Variants in ABLIM2 observed in about 807,000 individuals in gnomAD.
ABLIM2 encodes the protein actin-binding LIM protein 2.
Under a neutral mutation model 97.7 loss-of-function variants are expected in ABLIM2, and 53 were observed. That is an observed-to-expected ratio of 0.54 (90% CI 0.44 to 0.68). The LOEUF is 0.68. Among genes scored for constraint, ABLIM2 ranks in the 30% least tolerant of loss-of-function variants. ABLIM2 has a pLI of 0.00. For missense variants in ABLIM2, 835 were observed against 867.2 expected (o/e 0.96, Z 0.47); for synonymous variants, 361 against 345.8 (o/e 1.04, Z -0.49).
chr4:8,148,058 G>T lies in ABLIM2; in HGVS notation c.10+10622C>A, dbSNP rs1392182740. On this transcript the variant is annotated intron_variant, in intron 1 of 20. Coordinates refer to ENST00000447017, the MANE Select transcript of ABLIM2 (RefSeq NM_001130083.2). The surrounding 1 kb of genome is among the most constrained non-coding windows in gnomAD (Gnocchi z 6.7). ...GGTTCCCTGAGGCCCAGGTGGGCAG[G>T]CAACAAGGGATAGTGGCCCGACCTT... Among the ~76,000 whole-genome samples the T allele has an allele frequency of 6.6e-6, 1 of 152,232 alleles. No homozygotes were observed. Among genetic ancestry groups the T allele is most frequent in the African/African-American group, 2.4e-5 (1 of 41,462 alleles).
chr4:8,088,372 A>G (rs781352803), intron 3 of ABLIM2, 88 bp from the exon 4 acceptor site: 49 of 983,232 alleles, frequency 5.0e-5, no homozygotes, highest in Non-Finnish European at 7.3e-5. Flanking sequence ...ACCAGGGCCA[A>G]TGTCTCCCCA....
intron 5 of ABLIM2, among the ~76,000 whole-genome samples, chr4:8,079,069 A>G (rs1387645195): frequency 6.6e-6 from 1 of 152,256 alleles, no homozygotes; most frequent in Non-Finnish European, 1.5e-5. Context: ...ATGTGGGGTC[A>G]TGAGCCCCGG....
At chr4:8,109,214 G>C (rs1035576491) in intron 1 of ABLIM2, among the ~76,000 whole-genome samples, 2 of 152,240 alleles carry the variant, frequency 1.3e-5, no homozygotes, top group Non-Finnish European at 2.9e-5. Flanking sequence ...CTGAGGCACA[G>C]AGCCAGGGGT....
At position 8,072,466 on chromosome 4, in the gene ABLIM2, G is replaced by A. The variant is rs893501614; in HGVS notation, c.675+5162C>T. The stretch of plus-strand genomic sequence containing the variant: ...GCTGCTGCCCATGGGTGTCAGAAAC[G>A]CGGGGCAGGTGAGGCTCCTGCACCA... On this transcript the variant is annotated intron_variant, in intron 6 of 20. Coordinates refer to ENST00000447017, the MANE Select transcript of ABLIM2 (RefSeq NM_001130083.2). This position sits in a 1 kb window ranked among gnomAD's most constrained non-coding sequence, Gnocchi z 5.8. Among the ~76,000 whole-genome samples the A allele has an allele frequency of 3.9e-5, 6 of 152,240 alleles. No homozygotes were observed. Among genetic ancestry groups the A allele is most frequent in the Admixed American group, 1.3e-4 (2 of 15,284 alleles).
At chr4:7,993,833 G>A (rs994858678) in intron 16 of ABLIM2, 2 of 456,116 alleles carry the variant, frequency 4.4e-6, no homozygotes, top group African/African-American at 4.0e-5. Context: ...CTGTCAGGAG[G>A]GGGCAGCCTT....
chr4:8,118,041 C>T (rs1013811239), intron 1 of ABLIM2, among the ~76,000 whole-genome samples: 2 of 152,226 alleles, frequency 1.3e-5, no homozygotes, highest in Non-Finnish European at 2.9e-5. Context: ...TGATCCAGGC[C>T]AGCCCTGCTA....
chr4:8,092,022 G>C (rs1829114689), intron 3 of ABLIM2, among the ~76,000 whole-genome samples: 1 of 142,960 alleles, frequency 7.0e-6, no homozygotes, highest in African/African-American at 2.6e-5. Flanking sequence ...TTTTGAGACA[G>C]AGTCTTGCTC....
intron 1 of ABLIM2, 151 bp downstream of exon 1, chr4:8,158,529 T>A: frequency 1.0e-6 from 1 of 954,060 alleles, no homozygotes; most frequent in Non-Finnish European, 1.5e-6. Flanking sequence ...CTCTGGCCCC[T>A]CGGGGCTGCA....
In ABLIM2 at chr4:8,019,561, A is replaced by G; in HGVS notation, c.1423+57T>C. 1 of 1,511,680 alleles carries G rather than the reference A, an allele frequency of 6.6e-7. No individual in the cohort carries two copies. The allele number at this position is 1,511,680 out of a possible 1,614,324, so 93.6% of individuals were successfully genotyped here. On this transcript the variant is annotated intron_variant, in intron 14 of 20. Coordinates refer to ENST00000447017, the MANE Select transcript of ABLIM2 (RefSeq NM_001130083.2). The surrounding 1 kb of genome is among the most constrained non-coding windows in gnomAD (Gnocchi z 4.3). ...AACAAAAGGATGCATTCAGAAGCAG[A>G]TGGGTATTGACAGGCATGCGGGGCA...
chr4:7,983,773 G>A (rs1487006263), intron 18 of ABLIM2, among the ~76,000 whole-genome samples: 1 of 152,236 alleles, frequency 6.6e-6, no homozygotes, highest in Non-Finnish European at 1.5e-5. Context: ...AGGAGGCATG[G>A]TCAGGCTGCA....
chr4:8,083,929 TG>T lies in ABLIM2; in HGVS notation c.455-3128del, dbSNP rs1447415221. ...CATGGTGGGGGTGGTTGTTGGGGGG[TG>T]GCTAGGATGTGCCAGGCAGCCTCCT... On this transcript the variant is annotated intron_variant, in intron 4 of 20. Coordinates refer to ENST00000447017, the MANE Select transcript of ABLIM2 (RefSeq NM_001130083.2). This position sits in a 1 kb window ranked among gnomAD's most constrained non-coding sequence, Gnocchi z 4.6. 2.6e-5 allele frequency among the ~76,000 whole-genome samples: 4 copies of T among 151,592 alleles called. No individual in the cohort carries two copies. The highest frequency in any genetic ancestry group is 2.6e-4 in the Admixed American group (4 of 15,220).
intron 20 of ABLIM2, among the ~76,000 whole-genome samples, chr4:7,981,878 T>A (rs1738759346): frequency 6.6e-6 from 1 of 151,690 alleles, no homozygotes; most frequent in African/African-American, 2.4e-5. Context: ...GCGTGCTCAG[T>A]GTTCCTGGTA....
At chr4:8,092,291 C>T (rs2152569535) in intron 3 of ABLIM2, among the ~76,000 whole-genome samples, 1 of 152,220 alleles carries the variant, frequency 6.6e-6, no homozygotes, top group East Asian at 1.9e-4. Flanking sequence ...AGTCACCACA[C>T]CTGGCCCATT....
chr4:8,002,737 C>G lies in ABLIM2; in HGVS notation c.1618+5322G>C, dbSNP rs1758059846. On this transcript the variant is annotated intron_variant, in intron 16 of 20. Transcript: ENST00000447017. The surrounding 1 kb of genome is among the most constrained non-coding windows in gnomAD (Gnocchi z 6.1). Reference sequence around the variant, plus strand: ...CTGAGTCAGGCCAGGCTTGAGTCCTCCCAAGGGCACACAAACTGCTCTGTG... The same window carrying G: ...CTGAGTCAGGCCAGGCTTGAGTCCTGCCAAGGGCACACAAACTGCTCTGTG... 6.6e-6 allele frequency among the ~76,000 whole-genome samples: 1 copy of G among 152,154 alleles called. No homozygotes were observed. The highest frequency in any genetic ancestry group is 1.5e-5 in the Non-Finnish European group (1 of 68,016).
chr4:8,084,608 C>T (rs943821607), intron 4 of ABLIM2, among the ~76,000 whole-genome samples: 1 of 139,864 alleles, frequency 7.1e-6, no homozygotes, highest in Non-Finnish European at 1.6e-5. Flanking sequence ...CTTCCTGCCT[C>T]TTCATCCCTC....
chr4:8,061,029 G>A lies in ABLIM2; in HGVS notation c.701C>T (p.Ser234Phe). The A allele has an allele frequency of 6.3e-7, 1 of 1,597,542 alleles. No individual in the cohort carries two copies. Among genetic ancestry groups the A allele is most frequent in the Non-Finnish European group, 8.5e-7 (1 of 1,172,016 alleles). The change falls in exon 7 of 21, where the codon TCC becomes TTC. Residue 234 changes from serine (S) to phenylalanine (F), a missense_variant. By Grantham distance (155) the Ser-to-Phe change is radical. Transcript: ENST00000447017. The surrounding 1 kb of genome is among the most constrained non-coding windows in gnomAD (Gnocchi z 4.5). ...LEAGEKHYHP[S>F]CALCVRCGQM... ...GCCGCACCTGACACATAGCGCGCAG[G>A]AAGGGTGGTAGTGCTTCTCTCCGGC...
At position 7,998,452 on chromosome 4, in the gene ABLIM2, C is replaced by A. The variant is rs1040860568; in HGVS notation, c.1619-5525G>T. On this transcript the variant is annotated intron_variant, in intron 16 of 20. Coordinates refer to ENST00000447017, the MANE Select transcript of ABLIM2 (RefSeq NM_001130083.2). This position sits in a 1 kb window ranked among gnomAD's most constrained non-coding sequence, Gnocchi z 6.4. Reference sequence around the variant, plus strand: ...GGTCTGCTAAATTCACCTGGAGCTGCCGGTCTGCCCACCTGGGTCCCTGCC... The same window carrying A: ...GGTCTGCTAAATTCACCTGGAGCTGACGGTCTGCCCACCTGGGTCCCTGCC... Among the ~76,000 whole-genome samples, 3 of 151,988 alleles carry A rather than the reference C, an allele frequency of 2.0e-5. No homozygotes were observed. The highest frequency in any genetic ancestry group is 1.3e-4 in the Admixed American group (2 of 15,256).
rs1411317835 is a variant in ABLIM2 at position 8,131,902 on chromosome 4, C to T, written c.11-25265G>A. Among the ~76,000 whole-genome samples the T allele has an allele frequency of 7.5e-4, 109 of 145,434 alleles. 1 individual carries two copies. The highest frequency in any genetic ancestry group is 2.3e-3 in the African/African-American group (89 of 37,942). Reference sequence around the variant, plus strand: ...AGCCCGCATCCCCTGCACAGCAGCCCGCATCTCCAGCACAGCAGCCAGCAT... The same window carrying T: ...AGCCCGCATCCCCTGCACAGCAGCCTGCATCTCCAGCACAGCAGCCAGCAT... On this transcript the variant is annotated intron_variant, in intron 1 of 20. Transcript: ENST00000447017.
rs375115617 is a variant in ABLIM2 at position 8,022,972 on chromosome 4, C to T, written c.1268-2669G>A. 993 of 155,110 alleles carry T rather than the reference C, an allele frequency of 6.4e-3. 8 individuals carry two copies. The highest frequency in any genetic ancestry group is 0.022 in the African/African-American group (913 of 41,468). 9.6% of individuals were successfully genotyped at this position (155,110 alleles called of 1,614,324 possible). A position where few individuals can be genotyped will look rare whatever the true frequency, so the allele number is the denominator to read the frequency against. On this transcript the variant is annotated intron_variant, in intron 12 of 20. Transcript: ENST00000447017. This position sits in a 1 kb window ranked among gnomAD's most constrained non-coding sequence, Gnocchi z 7.8. ...TCTTCTTTTTCCTCTTCCTCCTCTG[C>T]CTCCTCTTCCTCTTTTTCCTTTCTC...
Sources: allele counts gnomAD v4.1 joint callset (sites outside exome capture counted in the v4.1 genomes callset), GRCh38; gene constraint gnomAD v4.1.1; non-coding constraint Gnocchi (gnomAD v3.1); transcripts MANE v1.5; gene names NCBI Gene and HGNC (gene_info 2026-07-23, HGNC 2026-07-21).